The following LRFN2 variants were observed in gnomAD, a reference collection of about 807,000 sequenced individuals.
The protein encoded by LRFN2 is leucine rich repeat and fibronectin type III domain containing 2.
In LRFN2, 18 loss-of-function variants were observed where a neutral mutation model predicts 37.3. That is an observed-to-expected ratio of 0.48 (90% CI 0.33 to 0.72). LRFN2 has a LOEUF of 0.72. Ranked by LOEUF, LRFN2 falls within the 30% of genes least tolerant of loss-of-function variation. The pLI, the probability that LRFN2 is intolerant of heterozygous loss-of-function variation, is 0.02. For missense variants in LRFN2, 1,006 were observed against 1,060.7 expected (o/e 0.95, Z 0.72); for synonymous variants, 556 against 466.6 (o/e 1.19, Z -2.47).
intron 1 of LRFN2, among the ~76,000 whole-genome samples, chr6:40,506,532 C>T (rs1290873323): frequency 1.3e-5 from 2 of 152,118 alleles, no homozygotes; most frequent in Non-Finnish European, 2.9e-5. Flanking sequence ...TTAACTGCTA[C>T]TTTATTTAGT....
intron 1 of LRFN2, among the ~76,000 whole-genome samples, chr6:40,534,630 C>A (rs145877806): frequency 6.6e-6 from 1 of 152,152 alleles, no homozygotes; most frequent in Non-Finnish European, 1.5e-5. Context: ...TGAGACTTGG[C>A]TGAGAAAATA....
intron 1 of LRFN2, among the ~76,000 whole-genome samples, chr6:40,538,828 T>C (rs1318225151): frequency 2.0e-5 from 3 of 152,280 alleles, no homozygotes; most frequent in Non-Finnish European, 4.4e-5. Flanking sequence ...GCGAGCACAG[T>C]GTCAGATTCT....
rs377532731 is a variant in LRFN2 at position 40,489,699 on chromosome 6, C to A, written c.-18-56568G>T. Among the ~76,000 whole-genome samples, 10 of 152,186 alleles carry A rather than the reference C, an allele frequency of 6.6e-5. No homozygotes were observed. In the East Asian group the frequency reaches 1.9e-3, roughly 30 times the overall value. ...CTCCAAGGGAACTGTCCTTACCCACCCTTCTCACCTTCCCTCAGGGTCTGT... is the reference window on the plus strand; with the variant it reads ...CTCCAAGGGAACTGTCCTTACCCACACTTCTCACCTTCCCTCAGGGTCTGT... On this transcript the variant is annotated intron_variant, in intron 1 of 2. Coordinates refer to ENST00000338305, the MANE Select transcript of LRFN2 (RefSeq NM_020737.3).
intron 1 of LRFN2, among the ~76,000 whole-genome samples, chr6:40,500,844 G>T (rs908601993): frequency 3.9e-5 from 6 of 151,968 alleles, no homozygotes; most frequent in African/African-American, 1.4e-4. Context: ...TTTGGAAAGA[G>T]AATGCATAGG....
intron 2 of LRFN2, among the ~76,000 whole-genome samples, chr6:40,425,930 G>A (rs1396702631): frequency 6.6e-6 from 1 of 152,240 alleles, no homozygotes; most frequent in African/African-American, 2.4e-5. Context: ...TTCCTGGTAT[G>A]TAGACTAGAC....
intron 1 of LRFN2, among the ~76,000 whole-genome samples, chr6:40,474,832 T>C (rs1335902794): frequency 1.3e-5 from 2 of 152,208 alleles, no homozygotes; most frequent in Non-Finnish European, 2.9e-5. Context: ...AATAAGGTCA[T>C]ATTCTAAGGT....
chr6:40,437,997 G>C (rs1763731822), intron 1 of LRFN2, among the ~76,000 whole-genome samples: 1 of 152,208 alleles, frequency 6.6e-6, no homozygotes. Context: ...ATTATTTGTG[G>C]GCAAAGCTGA....
Position 40,517,106 on chromosome 6 carries a change from GGTTC to G in LRFN2, c.-19+69831_-19+69834del, listed in dbSNP as rs1765901077. 2.0e-5 allele frequency among the ~76,000 whole-genome samples: 3 copies of G among 152,098 alleles called. No homozygotes were observed. In the South Asian group the frequency reaches 6.2e-4, roughly 32 times the overall value. ...TGGCAAAAGGACTAGATCACCCAAGGGTTCTGATGAGGTAACTGGCTTCACTCTC... is the reference window on the plus strand; with the variant it reads ...TGGCAAAAGGACTAGATCACCCAAGGTGATGAGGTAACTGGCTTCACTCTC... On this transcript the variant is annotated intron_variant, in intron 1 of 2. Coordinates refer to ENST00000338305, the MANE Select transcript of LRFN2 (RefSeq NM_020737.3).
chr6:40,478,953 A>G (rs965726846), intron 1 of LRFN2, among the ~76,000 whole-genome samples: 21 of 152,206 alleles, frequency 1.4e-4, no homozygotes, highest in Non-Finnish European at 3.1e-4. Flanking sequence ...CTGGGCTTCT[A>G]GGGACTGGAA....
chr6:40,527,665 T>C (rs890062491), intron 1 of LRFN2, among the ~76,000 whole-genome samples: 1 of 152,192 alleles, frequency 6.6e-6, no homozygotes, highest in Admixed American at 6.5e-5. Context: ...ATGTGAGTGA[T>C]TAAGGAGAAA....
At chr6:40,526,932 A>G (rs1766266825) in intron 1 of LRFN2, among the ~76,000 whole-genome samples, 1 of 152,146 alleles carries the variant, frequency 6.6e-6, no homozygotes, top group Non-Finnish European at 1.5e-5. Flanking sequence ...GGCAGGACTG[A>G]TCATTGCCTG....
At chr6:40,533,167 T>A (rs1374579117) in intron 1 of LRFN2, among the ~76,000 whole-genome samples, 1 of 124,970 alleles carries the variant, frequency 8.0e-6, no homozygotes, top group East Asian at 2.1e-4. Flanking sequence ...TGTCTCTGTC[T>A]CTCTGTCTCT....
chr6:40,444,941 T>C, intron 1 of LRFN2, among the ~76,000 whole-genome samples: 1 of 152,054 alleles, frequency 6.6e-6, no homozygotes, highest in African/African-American at 2.4e-5. Context: ...CCCTGTTGAC[T>C]TTGTTTGCTG....
chr6:40,475,096 T>C (rs1764680849), intron 1 of LRFN2, among the ~76,000 whole-genome samples: 1 of 152,108 alleles, frequency 6.6e-6, no homozygotes, highest in Admixed American at 6.6e-5. Context: ...AGGAGGAGCC[T>C]CCAGGGGTCA....
chr6:40,519,303 A>C (rs1022352820), intron 1 of LRFN2, among the ~76,000 whole-genome samples: 1 of 152,238 alleles, frequency 6.6e-6, no homozygotes, highest in African/African-American at 2.4e-5. Flanking sequence ...TGACTGGTCT[A>C]TATTGATAAG....
At chr6:40,463,054 G>T (rs1174690140) in intron 1 of LRFN2, among the ~76,000 whole-genome samples, 2 of 152,192 alleles carry the variant, frequency 1.3e-5, no homozygotes, top group African/African-American at 4.8e-5. Flanking sequence ...CTTCCTGCTG[G>T]CTGGAATGTG....
Position 40,499,399 on chromosome 6 carries a change from T to A in LRFN2, c.-18-66268A>T, listed in dbSNP as rs533414042. Among the ~76,000 whole-genome samples, 60 of 151,718 alleles carry A rather than the reference T, an allele frequency of 4.0e-4. No homozygotes were observed. The East Asian group carries it at 9.5e-3, about 24-fold the overall frequency. ...TGCTCCTTCCAGACATTTTTTTTTT[T>A]AAAGAATCAGAAATAACTTGGCCGT... On this transcript the variant is annotated intron_variant, in intron 1 of 2. Transcript: ENST00000338305.
intron 2 of LRFN2, among the ~76,000 whole-genome samples, chr6:40,413,422 C>G (rs1421892623): frequency 6.6e-6 from 1 of 152,172 alleles, no homozygotes; most frequent in Non-Finnish European, 1.5e-5. Flanking sequence ...GAGGCAGTGG[C>G]TGCAGTAGCT....
At chr6:40,398,500 C>A (rs1426354665) in intron 2 of LRFN2, among the ~76,000 whole-genome samples, 1 of 151,546 alleles carries the variant, frequency 6.6e-6, no homozygotes, top group South Asian at 2.1e-4. Flanking sequence ...CAGGGCAAGG[C>A]GGAGGAGGGG....
Sources: gnomAD v4.1 joint callset for allele counts (sites outside exome capture counted in the v4.1 genomes callset) on GRCh38, gnomAD v4.1.1 for gene constraint, MANE v1.5 for transcripts, NCBI Gene and HGNC (gene_info 2026-07-23, HGNC 2026-07-21) for gene names.